The following SLC44A5 variants were observed in gnomAD, a reference collection of about 807,000 sequenced individuals.
The protein encoded by SLC44A5 is solute carrier family 44 member 5, also known as choline transporter-like protein 5.
A neutral mutation model predicts 101.8 loss-of-function variants in SLC44A5; 57 were observed. The observed-to-expected ratio is 0.56, with a 90% CI of 0.45 to 0.70. The LOEUF (loss-of-function observed/expected upper bound fraction) is 0.70, where lower values mean the gene tolerates loss of function less well. Ranked by LOEUF, SLC44A5 falls within the 30% of genes least tolerant of loss-of-function variation. The pLI, the probability that SLC44A5 is intolerant of heterozygous loss-of-function variation, is 0.00. For missense variants in SLC44A5, 737 were observed against 853.1 expected (o/e 0.86, Z 1.70); for synonymous variants, 281 against 290.9 (o/e 0.97, Z 0.35).
intron 6 of SLC44A5, among the ~76,000 whole-genome samples, chr1:75,266,123 C>A (rs1266122969): frequency 6.6e-6 from 1 of 152,146 alleles, no homozygotes; most frequent in Non-Finnish European, 1.5e-5. Context: ...AAAGCCACAT[C>A]TCAAATATCA....
intron 1 of SLC44A5, among the ~76,000 whole-genome samples, chr1:75,588,120 C>T (rs1031877243): frequency 3.9e-5 from 6 of 151,942 alleles, no homozygotes; most frequent in African/African-American, 1.5e-4. Context: ...TCGATAAAGC[C>T]CTGTTGCTGT....
intron 3 of SLC44A5, among the ~76,000 whole-genome samples, chr1:75,358,743 T>G (rs1023066773): frequency 6.6e-6 from 1 of 152,226 alleles, no homozygotes; most frequent in Non-Finnish European, 1.5e-5. Context: ...ATGGTGTACA[T>G]TCGTGAATGG....
chr1:75,295,778 T>C (rs1653915033), intron 5 of SLC44A5, among the ~76,000 whole-genome samples: 1 of 152,038 alleles, frequency 6.6e-6, no homozygotes, highest in Non-Finnish European at 1.5e-5. Context: ...AAATGTCAGA[T>C]CTCCAGAACA....
chr1:75,677,504 A>G, the SLC44A5 span, among the ~76,000 whole-genome samples: 1 of 152,186 alleles, frequency 6.6e-6, no homozygotes. Flanking sequence ...AAAAAGCAAT[A>G]TGTTAAAACA....
chr1:75,498,274 C>T (rs1668777247), intron 2 of SLC44A5, among the ~76,000 whole-genome samples: 1 of 152,124 alleles, frequency 6.6e-6, no homozygotes, highest in Non-Finnish European at 1.5e-5. Flanking sequence ...TGCATGTACA[C>T]TGCACCTGCT....
At chr1:75,682,607 A>G in the SLC44A5 span, among the ~76,000 whole-genome samples, 319 of 152,044 alleles carry the variant, frequency 2.1e-3, 3 homozygotes, top group African/African-American at 7.2e-3. Context: ...AATCAATTCA[A>G]GATGGATTAG....
chr1:75,693,142 T>C, the SLC44A5 span, among the ~76,000 whole-genome samples: 3 of 152,124 alleles, frequency 2.0e-5, no homozygotes, highest in Non-Finnish European at 2.9e-5. Context: ...AAAGACTGAA[T>C]TGGAAAGATA....
chr1:75,420,442 G>C lies in SLC44A5; in HGVS notation c.14-23821C>G, dbSNP rs112829445. 9.4e-3 allele frequency among the ~76,000 whole-genome samples: 1,433 copies of C among 152,254 alleles called. 26 individuals are homozygous for C. Among genetic ancestry groups the C allele is most frequent in the African/African-American group, 0.033 (1,354 of 41,552 alleles). The stretch of plus-strand genomic sequence containing the variant: ...GGACAAATTAATGAATGAACAGCAA[G>C]ATGCTGGGTTTGAAACCCAACTCCA... On this transcript the variant is annotated intron_variant, in intron 2 of 23. Coordinates refer to ENST00000370859, the MANE Select transcript of SLC44A5 (RefSeq NM_001130058.2).
the SLC44A5 span, among the ~76,000 whole-genome samples, chr1:75,622,258 A>T: frequency 2.0e-5 from 3 of 151,974 alleles, no homozygotes; most frequent in Non-Finnish European, 2.9e-5. Context: ...AGTCCTCCTC[A>T]CCCCACCCCC....
At chr1:75,245,163 C>T (rs1648995478) in intron 7 of SLC44A5, among the ~76,000 whole-genome samples, 1 of 152,056 alleles carries the variant, frequency 6.6e-6, no homozygotes, top group African/African-American at 2.4e-5. Context: ...GAAATTTTGG[C>T]AGGGCAAACA....
At chr1:75,641,383 T>G in the SLC44A5 span, 1 of 868,782 alleles carries the variant, frequency 1.2e-6, no homozygotes, top group Non-Finnish European at 1.9e-6. Context: ...ACTCTTCATG[T>G]GTATATGAGC....
intron 23 of SLC44A5, chr1:75,204,399 G>A (rs896776535): frequency 1.3e-5 from 2 of 152,030 alleles, no homozygotes; most frequent in African/African-American, 4.8e-5. Flanking sequence ...GTAGTAAATG[G>A]AGAATATTTT....
At position 75,298,288 on chromosome 1, in the gene SLC44A5, T is replaced by TA. The variant is rs202236384; in HGVS notation, c.175+2323dup. ...GTAAGGCTATATATAGTTCAGGGAT[T>TA]AAAAAAAAGGTATATATATTTTGTA... On this transcript the variant is annotated intron_variant, in intron 5 of 23. Coordinates refer to ENST00000370859, the MANE Select transcript of SLC44A5 (RefSeq NM_001130058.2). Among the ~76,000 whole-genome samples the TA allele has an allele frequency of 9.4e-3, 1,426 of 151,984 alleles. 36 individuals are homozygous for TA. The highest frequency in any genetic ancestry group is 0.033 in the African/African-American group (1,354 of 41,434).
chr1:75,465,212 CTA>C (rs1570359638), intron 2 of SLC44A5, among the ~76,000 whole-genome samples: 1 of 152,038 alleles, frequency 6.6e-6, no homozygotes, highest in East Asian at 1.9e-4. Context: ...TGGAATAAAA[CTA>C]GAAATCAACA....
chr1:75,663,870 G>A, the SLC44A5 span, among the ~76,000 whole-genome samples: 359 of 152,172 alleles, frequency 2.4e-3, no homozygotes, highest in African/African-American at 8.2e-3. Flanking sequence ...GAAAACTACT[G>A]GCCAATATCC....
the SLC44A5 span, among the ~76,000 whole-genome samples, chr1:75,715,699 C>A: frequency 1.3e-5 from 2 of 152,096 alleles, no homozygotes; most frequent in Non-Finnish European, 2.9e-5. Context: ...AACTCTGGAA[C>A]ATAACCTAGG....
the SLC44A5 span, among the ~76,000 whole-genome samples, chr1:75,711,502 G>A: frequency 6.6e-6 from 1 of 152,192 alleles, no homozygotes; most frequent in Non-Finnish European, 1.5e-5. Context: ...ACTACAGCAT[G>A]GGAGCTGTTC....
chr1:75,413,813 G>C (rs1663436809), intron 2 of SLC44A5, among the ~76,000 whole-genome samples: 1 of 152,162 alleles, frequency 6.6e-6, no homozygotes, highest in Non-Finnish European at 1.5e-5. Flanking sequence ...AGAATACTCT[G>C]TTCCTCTATG....
chr1:75,415,982 G>A (rs1252943508), intron 2 of SLC44A5, among the ~76,000 whole-genome samples: 1 of 152,168 alleles, frequency 6.6e-6, no homozygotes, highest in East Asian at 1.9e-4. Flanking sequence ...CAGAAAATGT[G>A]CAGCCTGACA....
Sources: gnomAD v4.1 joint callset for allele counts (sites outside exome capture counted in the v4.1 genomes callset) on GRCh38, gnomAD v4.1.1 for gene constraint, MANE v1.5 for transcripts, NCBI Gene and HGNC (gene_info 2026-07-23, HGNC 2026-07-21) for gene names.